SHC3: variants seen among roughly 807,000 people sequenced by gnomAD.
The protein encoded by SHC3 is SHC adaptor protein 3, also known as SHC-transforming protein 3.
A neutral mutation model predicts 60.4 loss-of-function variants in SHC3; 15 were observed. The observed-to-expected ratio is 0.25, with a 90% CI of 0.17 to 0.38. SHC3 has a LOEUF of 0.38. Ranked by LOEUF, SHC3 falls within the 10% of genes least tolerant of loss-of-function variation. SHC3 has a pLI of 1.00. For synonymous variants in SHC3, 294 were observed against 325.9 expected, an observed-to-expected ratio of 0.90 and a Z score of 1.05; for missense variants, 677 against 786.1, an observed-to-expected ratio of 0.86 and a Z score of 1.66.
At chr9:89,049,900 C>T (rs778363745) in intron 7 of SHC3, among the ~76,000 whole-genome samples, 2 of 152,098 alleles carry the variant, frequency 1.3e-5, no homozygotes, top group Admixed American at 6.5e-5. Flanking sequence ...TCTTCCACTA[C>T]GTGGCTGCCC....
intron 11 of SHC3, among the ~76,000 whole-genome samples, chr9:89,034,784 A>G (rs1824544957): frequency 6.6e-6 from 1 of 152,224 alleles, no homozygotes; most frequent in Non-Finnish European, 1.5e-5. Flanking sequence ...CTTAAAAACT[A>G]AGTTACTGGA....
chr9:89,056,743 C>T (rs559979329), intron 6 of SHC3, among the ~76,000 whole-genome samples: 6 of 152,384 alleles, frequency 3.9e-5, no homozygotes, highest in South Asian at 2.1e-4. Flanking sequence ...GGGCTAAGAT[C>T]GTCCTGTTTC....
chr9:89,070,024 C>T (rs1398673161), intron 5 of SHC3, among the ~76,000 whole-genome samples: 1 of 152,192 alleles, frequency 6.6e-6, no homozygotes, highest in African/African-American at 2.4e-5. Flanking sequence ...ATGAAGAGAT[C>T]TTGGACCAGT....
At chr9:89,164,635 A>G (rs1826760063) in intron 1 of SHC3, among the ~76,000 whole-genome samples, 1 of 152,122 alleles carries the variant, frequency 6.6e-6, no homozygotes, top group Non-Finnish European at 1.5e-5. Context: ...GATGACAGAC[A>G]TGTATTTTAG....
chr9:89,155,147 A>C (rs561655141), intron 1 of SHC3, among the ~76,000 whole-genome samples: 10 of 152,156 alleles, frequency 6.6e-5, no homozygotes, highest in Non-Finnish European at 1.3e-4. Context: ...TGTGCAGCTG[A>C]AGCCGGTGCC....
rs1587672677 is a variant in SHC3, at chr9:89,013,440, G to A, written c.*7C>T. The A allele has an allele frequency of 1.9e-6, 3 of 1,610,182 alleles. No individual in the cohort carries two copies. The highest frequency in any genetic ancestry group is 2.5e-6 in the Non-Finnish European group (3 of 1,178,076). The stretch of plus-strand genomic sequence containing the variant: ...GGTGCGCAGTGCTGGGAGCAGTGCT[G>A]GCCAGGTCACTGCTTCCTCTCCACT... On this transcript the variant is annotated 3_prime_UTR_variant, in exon 12 of 12. Coordinates refer to ENST00000375835, the MANE Select transcript of SHC3 (RefSeq NM_016848.6).
At chr9:89,019,191 G>GA (rs1826157810) in intron 11 of SHC3, among the ~76,000 whole-genome samples, 1 of 152,086 alleles carries the variant, frequency 6.6e-6, no homozygotes, top group South Asian at 2.1e-4. Context: ...TATCGTACTG[G>GA]AAGTCCTAAT....
chr9:89,042,067 C>T lies in SHC3; in HGVS notation c.1319G>A (p.Ser440Asn), dbSNP rs1271122426. The T allele has an allele frequency of 6.2e-7, 1 of 1,608,800 alleles. No individual in the cohort carries two copies. Among genetic ancestry groups the T allele is most frequent in the Non-Finnish European group, 8.5e-7 (1 of 1,178,768 alleles). The change falls in exon 10 of 12, where the codon AGC becomes AAC. Residue 440 changes from serine (S) to asparagine (N), a missense_variant. Ser to Asn is a conservative substitution (Grantham distance 46). Transcript: ENST00000375835. ...IPPQAWPAAV[S>N]SAESSPRKDL... ...TTTCCTTGGGCTGCTCTCAGCACTG[C>T]TGACCGCAGCCGGCCAGGCCTGTGG...
At chr9:89,111,474 G>GTTCATGAACCA (rs1825945882) in intron 2 of SHC3, among the ~76,000 whole-genome samples, 1 of 151,892 alleles carries the variant, frequency 6.6e-6, no homozygotes, top group Non-Finnish European at 1.5e-5. Context: ...TCTTTGAAAT[G>GTTCATGAACCA]TTCATGAACC....
At chr9:89,075,706 C>T (rs1356826712) in intron 3 of SHC3, among the ~76,000 whole-genome samples, 3 of 152,130 alleles carry the variant, frequency 2.0e-5, no homozygotes, top group East Asian at 1.9e-4. Flanking sequence ...TGTTCGCGGC[C>T]GAAGGGAATG....
At chr9:89,114,155 C>T (rs1407759365) in intron 1 of SHC3, among the ~76,000 whole-genome samples, 1 of 152,262 alleles carries the variant, frequency 6.6e-6, no homozygotes, top group Middle Eastern at 3.4e-3. Flanking sequence ...ATACCACCAC[C>T]ACCATGCTGT....
chr9:89,125,773 T>C (rs1283746531), intron 1 of SHC3, among the ~76,000 whole-genome samples: 1 of 152,132 alleles, frequency 6.6e-6, no homozygotes, highest in Non-Finnish European at 1.5e-5. Context: ...GCTTACTTTA[T>C]ATTGTCTTAA....
At chr9:89,111,594 A>C (rs983288743) in intron 2 of SHC3, among the ~76,000 whole-genome samples, 2 of 152,008 alleles carry the variant, frequency 1.3e-5, no homozygotes, top group South Asian at 2.1e-4. Context: ...AAAAAAAAAA[A>C]CAAAACATTA....
At chr9:89,172,272 CAG>C (rs1424345074) in intron 1 of SHC3, among the ~76,000 whole-genome samples, 1 of 152,162 alleles carries the variant, frequency 6.6e-6, no homozygotes, top group Non-Finnish European at 1.5e-5. Context: ...CGTGGCCACT[CAG>C]GGAAAATTCA....
intron 3 of SHC3, 115 bp from the exon 4 acceptor site, chr9:89,075,343 A>G (rs1432624603): frequency 7.3e-7 from 1 of 1,364,518 alleles, no homozygotes; most frequent in Non-Finnish European, 9.9e-7. Context: ...CCTTAGGCAT[A>G]AGAAGACAAA....
chr9:89,177,995 C>G lies in SHC3; in HGVS notation c.466G>C (p.Val156Leu). ...DQVLGPGVTY[V>L]VKYLGCIEVL... ...CCCGCGCCCGCACCCACCTTGACCA[C>G]GTAGGTGACTCCGGGCCCCAGCACC... The change falls in exon 1 of 12, where the codon GTG becomes CTG. Residue 156 changes from valine to leucine, a missense_variant. Coordinates refer to ENST00000375835, the MANE Select transcript of SHC3 (RefSeq NM_016848.6). 8.1e-7 allele frequency: 1 copy of G among 1,232,948 alleles called. No individual in the cohort carries two copies. The highest frequency in any genetic ancestry group is 1.0e-6 in the Non-Finnish European group (1 of 989,020). The allele number at this position is 1,232,948 out of a possible 1,614,324, so 76.4% of individuals were successfully genotyped here.
intron 6 of SHC3, among the ~76,000 whole-genome samples, chr9:89,056,857 A>G (rs1824960282): frequency 6.6e-6 from 1 of 152,272 alleles, no homozygotes. Context: ...TTGTGTGAAC[A>G]GCGAGACCCT....
chr9:89,012,422 C>T lies in SHC3; in HGVS notation c.*1025G>A, dbSNP rs1826024491. 6.6e-6 allele frequency: 1 copy of T among 152,162 alleles called. No individual in the cohort carries two copies. Among genetic ancestry groups the T allele is most frequent in the Non-Finnish European group, 1.5e-5 (1 of 68,042 alleles). The allele number at this position is 152,162 out of a possible 1,614,324, so 9.4% of individuals were successfully genotyped here. A position where few individuals can be genotyped will look rare whatever the true frequency, so the allele number is the denominator to read the frequency against. ...TCCAGTGACTCCTGGGTTTCTGGCA[C>T]ATGCAGCCCCAGAAGCCTCAATACC... On this transcript the variant is annotated 3_prime_UTR_variant, in exon 12 of 12. Transcript: ENST00000375835.
intron 2 of SHC3, among the ~76,000 whole-genome samples, chr9:89,092,348 C>A (rs111890274): frequency 3.9e-5 from 6 of 152,076 alleles, no homozygotes; most frequent in Non-Finnish European, 5.9e-5. Context: ...CCTGGCGCAG[C>A]GGCTCACGCC....
Sources: gnomAD v4.1 joint callset for allele counts (sites outside exome capture counted in the v4.1 genomes callset) on GRCh38, gnomAD v4.1.1 for gene constraint, MANE v1.5 for transcripts, NCBI Gene and HGNC (gene_info 2026-07-23, HGNC 2026-07-21) for gene names.